KDM1B: variants seen among roughly 807,000 people sequenced by gnomAD.
The protein encoded by KDM1B is lysine-specific histone demethylase 2.
A neutral mutation model predicts 107.4 loss-of-function variants in KDM1B; 63 were observed. The observed-to-expected ratio is 0.59, with a 90% CI of 0.48 to 0.72. The LOEUF is 0.72. Among genes scored for constraint, KDM1B ranks in the 30% least tolerant of loss-of-function variants. The pLI is 0.00. For synonymous variants in KDM1B, 363 were observed against 363.9 expected, an observed-to-expected ratio of 1.00 and a Z score of 0.03; for missense variants, 749 against 1,020.8, an observed-to-expected ratio of 0.73 and a Z score of 3.63.
rs375309615 is a variant in KDM1B, at chr6:18,171,447, C to T, written c.502C>T (p.Arg168Ter). The change falls in exon 7 of 22, where the codon CGA (arginine) becomes TGA (stop). Residue 168 changes from arginine (R) to a stop codon, truncating the protein, a stop_gained. Coordinates refer to ENST00000650836, the MANE Select transcript of KDM1B (RefSeq NM_001364614.2). LOFTEE classifies it high-confidence loss of function. The part of the protein sequence containing the change: ...QLTPQIAKTY[R>*]CGMKPNTAIK... The stretch of plus-strand genomic sequence containing the variant: ...TACTCCACAGATAGCCAAGACTTAT[C>T]GATGCGGTATGAAACCAAATACTGC... 2 of 1,611,588 alleles carry T rather than the reference C, an allele frequency of 1.2e-6. No homozygotes were observed. Among genetic ancestry groups the T allele is most frequent in the Non-Finnish European group, 1.7e-6 (2 of 1,177,712 alleles).
At chr6:18,175,561 C>A (rs1785938594) in intron 7 of KDM1B, among the ~76,000 whole-genome samples, 1 of 152,128 alleles carries the variant, frequency 6.6e-6, no homozygotes, top group Non-Finnish European at 1.5e-5. Context: ...AAGCAAGTGT[C>A]TAGAAAGGTT....
chr6:18,221,839 A>T, intron 21 of KDM1B, 70 bp from the exon 22 acceptor site: 1 of 1,241,610 alleles, frequency 8.1e-7, no homozygotes, highest in Non-Finnish European at 1.1e-6. Context: ...ATAAAGTCTA[A>T]CCTTGTTTTA....
intron 2 of KDM1B, among the ~76,000 whole-genome samples, chr6:18,158,130 C>T (rs1784748844): frequency 6.6e-6 from 1 of 152,000 alleles, no homozygotes; most frequent in African/African-American, 2.4e-5. Context: ...GTACTTTGAA[C>T]ATCATTAGCA....
Position 18,222,147 on chromosome 6 carries a change from C to T in KDM1B, c.*155C>T. On this transcript the variant is annotated 3_prime_UTR_variant, in exon 22 of 22. Coordinates refer to ENST00000650836, the MANE Select transcript of KDM1B (RefSeq NM_001364614.2). ...ATGATAATGCAAACCTATTTCATCA[C>T]TCTAAAAGCACTGACCTCAAAAAAC... The T allele has an allele frequency of 1.3e-6, 1 of 752,710 alleles. No individual in the cohort carries two copies. Among genetic ancestry groups the T allele is most frequent in the East Asian group, 2.7e-5 (1 of 37,260 alleles). The allele number at this position is 752,710 out of a possible 1,614,324, so 46.6% of individuals were successfully genotyped here.
At position 18,223,536 on chromosome 6, in the gene KDM1B, T is replaced by C. The variant is rs1789954852; in HGVS notation, c.*1544T>C. 1 of 152,164 alleles carries C rather than the reference T, an allele frequency of 6.6e-6. No individual in the cohort carries two copies. Among genetic ancestry groups the C allele is most frequent in the Non-Finnish European group, 1.5e-5 (1 of 68,018 alleles). 9.4% of individuals were successfully genotyped at this position (152,164 alleles called of 1,614,324 possible). On this transcript the variant is annotated 3_prime_UTR_variant, in exon 22 of 22. Transcript: ENST00000650836. ...GTGTTTTAAAGTGATAAATGCAAAA[T>C]GTTAAGTTTGAAATGGTTAACAGTA...
At chr6:18,156,786 A>G (rs1784638138) in intron 2 of KDM1B, among the ~76,000 whole-genome samples, 1 of 152,082 alleles carries the variant, frequency 6.6e-6, no homozygotes, top group Non-Finnish European at 1.5e-5. Context: ...ACGTGGTGGC[A>G]CACACCTGTA....
intron 5 of KDM1B, among the ~76,000 whole-genome samples, chr6:18,164,544 T>G (rs1399672238): frequency 1.3e-5 from 2 of 152,218 alleles, no homozygotes; most frequent in African/African-American, 4.8e-5. Flanking sequence ...TTATCCCTGA[T>G]AATATTCATT....
In KDM1B at chr6:18,207,511, C is replaced by T; in HGVS notation, c.1773C>T (p.Asp591=). The T allele has an allele frequency of 1.2e-6, 2 of 1,614,208 alleles. No homozygotes were observed. Among genetic ancestry groups the T allele is most frequent in the South Asian group, 1.1e-5 (1 of 91,082 alleles). ...TTGAAAAACTGGCAGAAGGGCTTGA[C>T]ATTCAACTCAAATCTCCAGTGAGTA... is the stretch of plus-strand genomic sequence containing the variant. ...VIIEKLAEGL[D]IQLKSPVQCI... The change falls in exon 16 of 22, where the codon GAC becomes GAT. Residue 591 remains aspartate (D), a synonymous_variant. Transcript: ENST00000650836.
In KDM1B at chr6:18,203,339, G is replaced by A. The variant is rs534382050; in HGVS notation, c.1531+1682G>A. 3.9e-5 allele frequency among the ~76,000 whole-genome samples: 6 copies of A among 152,276 alleles called. No individual in the cohort carries two copies. The highest frequency in any genetic ancestry group is 1.4e-4 in the African/African-American group (6 of 41,560). ...AGGCTCAGCAATTCTTACTGTGTAA[G>A]TGGGTATTTCATCTTATCAATAGCT... On this transcript the variant is annotated intron_variant, in intron 14 of 21. Coordinates refer to ENST00000650836, the MANE Select transcript of KDM1B (RefSeq NM_001364614.2). This position sits in a 1 kb window ranked among gnomAD's most constrained non-coding sequence, Gnocchi z 5.5.
chr6:18,217,896 T>C lies in KDM1B; in HGVS notation c.2385+11T>C, dbSNP rs568230650. ...TTTTTCGCTGGTGAGGTATGGATCT[T>C]GATTCCAAACCCAATTATTTGTATT... is the stretch of plus-strand genomic sequence containing the variant. On this transcript the variant is annotated intron_variant, in intron 21 of 21. Coordinates refer to ENST00000650836, the MANE Select transcript of KDM1B (RefSeq NM_001364614.2). 1 of 1,604,716 alleles carries C rather than the reference T, an allele frequency of 6.2e-7. No homozygotes were observed. Among genetic ancestry groups the C allele is most frequent in the East Asian group, 2.2e-5 (1 of 44,810 alleles).
intron 17 of KDM1B, 23 bp downstream of exon 17, chr6:18,208,229 G>T (rs1219646688): frequency 1.3e-6 from 2 of 1,572,274 alleles, no homozygotes; most frequent in East Asian, 4.5e-5. Flanking sequence ...GCAGTACAAG[G>T]GTGGGTAGAA....
chr6:18,183,258 G>GTT (rs34558185), intron 7 of KDM1B, among the ~76,000 whole-genome samples: 1,124 of 61,468 alleles, frequency 0.018, 81 homozygotes, highest in Non-Finnish European at 0.024. Context: ...AATTTTGTGG[G>GTT]TTTTTTTTTT....
intron 20 of KDM1B, among the ~76,000 whole-genome samples, chr6:18,217,413 C>G (rs1789326815): frequency 7.1e-6 from 1 of 141,804 alleles, no homozygotes; most frequent in East Asian, 2.0e-4. Flanking sequence ...GAGTCTGGCT[C>G]TGTTGCCCAG....
Position 18,223,014 on chromosome 6 carries a change from ATTTACT to A in KDM1B, c.*1027_*1032del, listed in dbSNP as rs919678276. ...TTAAAGGCCTAAGAACATGGCAAGT[ATTTACT>A]TTTATCTTTTTTTTAAAAACACTCA... On this transcript the variant is annotated 3_prime_UTR_variant, in exon 22 of 22. Transcript: ENST00000650836. 12 of 152,562 alleles carry A rather than the reference ATTTACT, an allele frequency of 7.9e-5. No individual in the cohort carries two copies. Among genetic ancestry groups the A allele is most frequent in the African/African-American group, 2.9e-4 (12 of 41,422 alleles). The allele number at this position is 152,562 out of a possible 1,614,324, so 9.5% of individuals were successfully genotyped here.
In KDM1B at chr6:18,221,906, C is replaced by T; in HGVS notation, c.2386-3C>T. 2 of 1,594,840 alleles carry T rather than the reference C, an allele frequency of 1.3e-6. No homozygotes were observed. The highest frequency in any genetic ancestry group is 1.7e-6 in the Non-Finnish European group (2 of 1,168,990). On this transcript the variant is annotated splice_region_variant and splice_polypyrimidine_tract_variant and intron_variant, in intron 21 of 21. Transcript: ENST00000650836. ...TCTCAAATTATGTAATTATGTTTTA[C>T]AGGCAACAAACAGGCATTTCCCACA...
rs753695317 is a variant in KDM1B, at chr6:18,166,312, GA to G, written c.352del (p.Thr118LeufsTer46). The G allele has an allele frequency of 6.2e-7, 1 of 1,612,692 alleles. No homozygotes were observed. Among genetic ancestry groups the G allele is most frequent in the East Asian group, 2.2e-5 (1 of 44,870 alleles). On this transcript the variant is annotated frameshift_variant, in exon 6 of 22. Coordinates refer to ENST00000650836, the MANE Select transcript of KDM1B (RefSeq NM_001364614.2). LOFTEE classifies it high-confidence loss of function. ...AATATACTACATGGAAAAAAATATG[GA>G]CTAGCAATGGCAAAACCGAACCTAG... The part of the protein sequence containing the change: ...DKYTTWKKIW[T>X]SNGKTEPSPK...
intron 7 of KDM1B, among the ~76,000 whole-genome samples, chr6:18,182,335 A>C (rs956185778): frequency 1.3e-5 from 2 of 152,090 alleles, no homozygotes; most frequent in Non-Finnish European, 2.9e-5. Context: ...TTTAAATTAT[A>C]TATATTGACC....
chr6:18,187,022 T>C (rs548084268), intron 8 of KDM1B, among the ~76,000 whole-genome samples: 1 of 132,128 alleles, frequency 7.6e-6, no homozygotes, highest in African/African-American at 3.5e-5. Flanking sequence ...GGCTCCAGAA[T>C]AGACATTTTT....
Position 18,197,670 on chromosome 6 carries a change from T to A in KDM1B, c.1221+9T>A. The A allele has an allele frequency of 1.2e-6, 2 of 1,611,616 alleles. No individual in the cohort carries two copies. Among genetic ancestry groups the A allele is most frequent in the South Asian group, 2.2e-5 (2 of 90,970 alleles). ...ATAACTTTGGAATTAAGGTAGGATT[T>A]TGGGGACATGGAGTTAGAACAGATG... On this transcript the variant is annotated intron_variant, in intron 12 of 21. Transcript: ENST00000650836. This position sits in a 1 kb window ranked among gnomAD's most constrained non-coding sequence, Gnocchi z 4.5.
Sources: allele counts gnomAD v4.1 joint callset (sites outside exome capture counted in the v4.1 genomes callset), GRCh38; gene constraint gnomAD v4.1.1; non-coding constraint Gnocchi (gnomAD v3.1); transcripts MANE v1.5; gene names NCBI Gene and HGNC (gene_info 2026-07-23, HGNC 2026-07-21).